FAM227B: variants seen among roughly 807,000 people sequenced by gnomAD.
FAM227B encodes family with sequence similarity 227 member B.
A neutral mutation model predicts 73.8 loss-of-function variants in FAM227B; 88 were observed. The ratio of observed to expected loss-of-function variants is 1.19; its 90% CI spans 1.00 to 1.42. The LOEUF is 1.42. Among genes scored for constraint, FAM227B ranks in the 40% most tolerant of loss-of-function variants. The pLI is 0.00. For synonymous variants in FAM227B, 210 were observed against 190.5 expected (o/e 1.10, Z -0.84); for missense variants, 632 against 590.9 (o/e 1.07, Z -0.72).
Position 49,552,051 on chromosome 15 carries a change from G to GT in FAM227B, c.748-10246dup, listed in dbSNP as rs568672920. On this transcript the variant is annotated intron_variant, in intron 9 of 15. Transcript: ENST00000299338. ...CAGTTGCAGTGTTTTAATATTCTGT[G>GT]TTTTTTCTGTGTACTTACTATTACC... 1.1e-4 allele frequency among the ~76,000 whole-genome samples: 17 copies of GT among 152,204 alleles called. No homozygotes were observed. In the South Asian group the frequency reaches 2.9e-3, roughly 26 times the overall value.
At chr15:49,421,492 T>G (rs2151733606) in intron 11 of FAM227B, among the ~76,000 whole-genome samples, 1 of 152,352 alleles carries the variant, frequency 6.6e-6, no homozygotes. Flanking sequence ...TTTCCCATTT[T>G]ACAGTTAATC....
At chr15:49,451,639 A>T (rs2052753391) in intron 11 of FAM227B, among the ~76,000 whole-genome samples, 1 of 152,148 alleles carries the variant, frequency 6.6e-6, no homozygotes, top group Non-Finnish European at 1.5e-5. Context: ...ATTTCAGTAA[A>T]CATGAAGTGA....
chr15:49,579,681 C>G (rs12899680), intron 5 of FAM227B, among the ~76,000 whole-genome samples: 66,475 of 151,948 alleles, frequency 0.44, 14,869 homozygotes, highest in East Asian at 0.54. Context: ...GTTGGTTAAT[C>G]TGTACAACCA....
At chr15:49,553,779 C>T (rs1245040765) in intron 9 of FAM227B, among the ~76,000 whole-genome samples, 1 of 152,164 alleles carries the variant, frequency 6.6e-6, no homozygotes, top group Non-Finnish European at 1.5e-5. Flanking sequence ...TGGCCTGGGA[C>T]ACAACCTTCA....
At chr15:49,568,911 A>G (rs1316258268) in intron 8 of FAM227B, among the ~76,000 whole-genome samples, 1 of 151,942 alleles carries the variant, frequency 6.6e-6, no homozygotes, top group African/African-American at 2.4e-5. Context: ...TTGAGTTAGA[A>G]AATGTTTCCT....
chr15:49,502,916 G>A (rs1353332378), intron 11 of FAM227B, among the ~76,000 whole-genome samples: 1 of 152,132 alleles, frequency 6.6e-6, no homozygotes, highest in African/African-American at 2.4e-5. Flanking sequence ...CTCACTCTGA[G>A]TTAACACAAA....
chr15:49,401,758 A>G (rs2048169122), intron 11 of FAM227B, among the ~76,000 whole-genome samples: 1 of 134,630 alleles, frequency 7.4e-6, no homozygotes. Context: ...AGAACAAAAA[A>G]CCAAACACCG....
intron 10 of FAM227B, among the ~76,000 whole-genome samples, chr15:49,508,823 G>T (rs538807147): frequency 2.0e-5 from 3 of 152,162 alleles, no homozygotes; most frequent in Non-Finnish European, 4.4e-5. Context: ...CTTCTAGATA[G>T]ATTGCCTATG....
At chr15:49,436,600 T>C (rs1458032955) in intron 11 of FAM227B, among the ~76,000 whole-genome samples, 1 of 151,584 alleles carries the variant, frequency 6.6e-6, no homozygotes, top group Non-Finnish European at 1.5e-5. Context: ...ATATACATTA[T>C]TTAATTTAAT....
intron 10 of FAM227B, among the ~76,000 whole-genome samples, chr15:49,517,673 G>T (rs575842751): frequency 2.0e-5 from 3 of 152,154 alleles, no homozygotes; most frequent in African/African-American, 7.2e-5. Flanking sequence ...TTAACTTTTT[G>T]TAAATTCATA....
chr15:49,500,370 G>A (rs1180626797), intron 11 of FAM227B, among the ~76,000 whole-genome samples: 1 of 152,224 alleles, frequency 6.6e-6, no homozygotes, highest in Non-Finnish European at 1.5e-5. Context: ...ACCCCACAAA[G>A]CCACAGGGGT....
chr15:49,522,602 C>A (rs976915038), intron 10 of FAM227B, among the ~76,000 whole-genome samples: 1 of 151,860 alleles, frequency 6.6e-6, no homozygotes. Context: ...AACAGAACTT[C>A]TAAAAATAAA....
chr15:49,574,292 C>G (rs993667957), intron 8 of FAM227B, among the ~76,000 whole-genome samples: 2 of 152,060 alleles, frequency 1.3e-5, no homozygotes, highest in Admixed American at 6.6e-5. Context: ...CCAGATACCC[C>G]CTCTGATATG....
chr15:49,391,119 G>C (rs181250272), intron 11 of FAM227B, among the ~76,000 whole-genome samples: 8 of 150,770 alleles, frequency 5.3e-5, no homozygotes, highest in African/African-American at 1.9e-4. Context: ...CTTTATTTTA[G>C]ATTATATGAA....
chr15:49,343,186 A>G (rs1049605012), intron 13 of FAM227B, among the ~76,000 whole-genome samples: 5 of 152,162 alleles, frequency 3.3e-5, no homozygotes, highest in African/African-American at 9.6e-5. Context: ...GTCACTTTAC[A>G]TAATCCCATA....
At chr15:49,574,348 C>T (rs2075309703) in intron 8 of FAM227B, among the ~76,000 whole-genome samples, 1 of 151,990 alleles carries the variant, frequency 6.6e-6, no homozygotes, top group Admixed American at 6.6e-5. Flanking sequence ...AATTGTAATC[C>T]CCACATGTCG....
intron 13 of FAM227B, among the ~76,000 whole-genome samples, chr15:49,346,792 A>G (rs1345689417): frequency 1.3e-5 from 2 of 152,182 alleles, no homozygotes; most frequent in African/African-American, 4.8e-5. Flanking sequence ...AGAATCTCCT[A>G]CTTTATACAC....
chr15:49,450,386 T>C (rs2052614890), intron 11 of FAM227B, among the ~76,000 whole-genome samples: 1 of 152,104 alleles, frequency 6.6e-6, no homozygotes. Flanking sequence ...ATTATGTTGC[T>C]AAAGATATTT....
chr15:49,556,060 G>A (rs1014588480), intron 9 of FAM227B, among the ~76,000 whole-genome samples: 9 of 152,034 alleles, frequency 5.9e-5, no homozygotes, highest in South Asian at 2.1e-4. Context: ...CCTGCTCATC[G>A]AGTCTGACAA....
Sources: allele counts gnomAD v4.1 joint callset (sites outside exome capture counted in the v4.1 genomes callset), GRCh38; gene constraint gnomAD v4.1.1; transcripts MANE v1.5; gene names NCBI Gene and HGNC (gene_info 2026-07-23, HGNC 2026-07-21).